GBF1: variants seen among roughly 807,000 people sequenced by gnomAD.
The protein encoded by GBF1 is golgi brefeldin A resistant guanine nucleotide exchange factor 1.
A neutral mutation model predicts 210.5 loss-of-function variants in GBF1; 114 were observed. The ratio of observed to expected loss-of-function variants is 0.54; its 90% CI spans 0.47 to 0.63. The LOEUF (loss-of-function observed/expected upper bound fraction) is 0.63. Among genes scored for constraint, GBF1 ranks in the 30% least tolerant of loss-of-function variants. The pLI is 0.00. For missense variants in GBF1, 1,851 were observed against 2,357.7 expected (o/e 0.79, Z 4.45); for synonymous variants, 850 against 889.2 (o/e 0.96, Z 0.78).
intron 3 of GBF1, among the ~76,000 whole-genome samples, chr10:102,283,775 T>A (rs2075714638): frequency 6.6e-6 from 1 of 152,204 alleles, no homozygotes; most frequent in Non-Finnish European, 1.5e-5. Context: ...GGATCTCTTA[T>A]TCAGAATGCA....
intron 3 of GBF1, among the ~76,000 whole-genome samples, chr10:102,339,954 T>TC (rs71016376): frequency 1.2e-4 from 2 of 17,358 alleles, no homozygotes; most frequent in Non-Finnish European, 2.2e-4. Context: ...ACCTGGTTAA[T>TC]TTTTTTTTTT....
chr10:102,236,624 G>C, the GBF1 span, among the ~76,000 whole-genome samples: 9 of 152,320 alleles, frequency 5.9e-5, no homozygotes, highest in South Asian at 1.7e-3. Context: ...CCAGGCCAGG[G>C]AGGCCACAGT....
At chr10:102,287,344 CTTTTTTTTTTTTTTTTTTTT>C (rs763880492) in intron 3 of GBF1, among the ~76,000 whole-genome samples, 1 of 69,524 alleles carries the variant, frequency 1.4e-5, no homozygotes, top group Non-Finnish European at 2.5e-5. Flanking sequence ...ATTTTATTTT[CTTTTTTTTTTTTTTTTTTTT>C]TTTTTTTGAG....
At position 102,364,217 on chromosome 10, in the gene GBF1, CTT is replaced by C. The variant is rs1031275118; in HGVS notation, c.2106+443_2106+444del. Among the ~76,000 whole-genome samples the C allele has an allele frequency of 7.0e-4, 47 of 66,932 alleles. No homozygotes were observed. In the East Asian group the frequency reaches 7.7e-3, roughly 11 times the overall value. 43.9% of individuals were successfully genotyped at this position (66,932 alleles called of 152,430 possible). The stretch of plus-strand genomic sequence containing the variant: ...AAATAACTGTTTGTACTTTGGATTT[CTT>C]TTTTTTTTTTTTTTTTTTTTTTTCA... On this transcript the variant is annotated intron_variant, in intron 17 of 39. Transcript: ENST00000369983.
Position 102,366,658 on chromosome 10 carries a change from C to A in GBF1, c.2433+152C>A. 1.4e-6 allele frequency: 1 copy of A among 690,076 alleles called. No individual in the cohort carries two copies. The highest frequency in any genetic ancestry group is 2.4e-6 in the Non-Finnish European group (1 of 424,804). The allele number at this position is 690,076 out of a possible 1,614,324, so 42.7% of individuals were successfully genotyped here. A position where few individuals can be genotyped will look rare whatever the true frequency, so the allele number is the denominator to read the frequency against. On this transcript the variant is annotated intron_variant, in intron 19 of 39. Coordinates refer to ENST00000369983, the MANE Select transcript of GBF1 (RefSeq NM_001377137.1). This position sits in a 1 kb window ranked among gnomAD's most constrained non-coding sequence, Gnocchi z 4.0. ...CTGGAGTGCAGTAGCGCAGTCTCAG[C>A]ACACTGCAACCTCCACCCCCCGGGT...
intron 3 of GBF1, among the ~76,000 whole-genome samples, chr10:102,328,226 C>A (rs1001500880): frequency 6.6e-6 from 1 of 152,350 alleles, no homozygotes; most frequent in Non-Finnish European, 1.5e-5. Context: ...GGCACAGTGG[C>A]TCATGCCTAT....
At chr10:102,353,887 G>A (rs1273962893) in intron 8 of GBF1, among the ~76,000 whole-genome samples, 1 of 152,194 alleles carries the variant, frequency 6.6e-6, no homozygotes, top group Non-Finnish European at 1.5e-5. Flanking sequence ...TGGTGAGCCA[G>A]TTCTTCATGG....
Position 102,375,591 on chromosome 10 carries a change from C to A in GBF1, c.3886+7C>A, listed in dbSNP as rs1196390460. 1.3e-6 allele frequency: 2 copies of A among 1,588,402 alleles called. No homozygotes were observed. The highest frequency in any genetic ancestry group is 2.2e-5 in the East Asian group (1 of 44,712). On this transcript the variant is annotated splice_region_variant and intron_variant, in intron 30 of 39. Coordinates refer to ENST00000369983, the MANE Select transcript of GBF1 (RefSeq NM_001377137.1). ...GCAGATGCACCTGATGCCGGTAAGC[C>A]CTTTCCCAGGGAGACTCAGGCTGGC...
chr10:102,234,046 C>A, the GBF1 span, among the ~76,000 whole-genome samples: 3 of 152,168 alleles, frequency 2.0e-5, no homozygotes, highest in African/African-American at 2.4e-5. Flanking sequence ...GTGGGAGGGG[C>A]CTCTCTGCCT....
At chr10:102,375,316 A>G (rs2060432573) in intron 29 of GBF1, 43 bp from the exon 30 acceptor site, 15 of 1,154,066 alleles carry the variant, frequency 1.3e-5, no homozygotes, top group Non-Finnish European at 1.8e-5. Context: ...GTGTGCCCAC[A>G]CAGCTCCCCG....
intron 3 of GBF1, among the ~76,000 whole-genome samples, chr10:102,333,440 T>G (rs930895253): frequency 1.3e-5 from 2 of 152,166 alleles, no homozygotes; most frequent in Non-Finnish European, 2.9e-5. Flanking sequence ...AAAGTTTAGC[T>G]TTGATTATTC....
In GBF1 at chr10:102,360,402, C is replaced by G. The variant is rs202060552; in HGVS notation, c.1392+7C>G. On this transcript the variant is annotated splice_region_variant and intron_variant, in intron 12 of 39. Transcript: ENST00000369983. ...GTGCCGTCACTTATTCCAGGTAAGACAAGATTGCTAGAGGGTCTCAGAGCC... is the reference window on the plus strand; with the variant it reads ...GTGCCGTCACTTATTCCAGGTAAGAGAAGATTGCTAGAGGGTCTCAGAGCC... The G allele has an allele frequency of 1.9e-6, 3 of 1,584,300 alleles. No homozygotes were observed. In the East Asian group the frequency reaches 6.7e-5, roughly 35 times the overall value.
chr10:102,358,829 G>T, intron 10 of GBF1, 100 bp downstream of exon 10: 1 of 742,624 alleles, frequency 1.3e-6, no homozygotes. Flanking sequence ...AAAGAAGCTT[G>T]GGGTAACTTC....
intron 4 of GBF1, among the ~76,000 whole-genome samples, chr10:102,345,237 G>T (rs1486691061): frequency 7.2e-6 from 1 of 139,002 alleles, no homozygotes; most frequent in Non-Finnish European, 1.6e-5. Context: ...AGCAGAGATC[G>T]CGCCACTGTA....
intron 10 of GBF1, 98 bp from the exon 11 acceptor site, chr10:102,359,169 C>T: frequency 1.2e-6 from 1 of 830,876 alleles, no homozygotes; most frequent in Non-Finnish European, 2.1e-6. Flanking sequence ...ATCTGTAGCC[C>T]ATTAGAGACA....
intron 3 of GBF1, among the ~76,000 whole-genome samples, chr10:102,327,413 G>C (rs757077872): frequency 6.6e-6 from 1 of 152,180 alleles, no homozygotes; most frequent in Non-Finnish European, 1.5e-5. Flanking sequence ...TAGGTATTTA[G>C]TCAAGAGAAA....
chr10:102,286,326 CT>C (rs1474478718), intron 3 of GBF1, among the ~76,000 whole-genome samples: 1 of 151,330 alleles, frequency 6.6e-6, no homozygotes, highest in East Asian at 1.9e-4. Context: ...ATCAGGATGA[CT>C]TTGATTTAGT....
At chr10:102,375,216 A>C (rs2060428350) in intron 29 of GBF1, 143 bp from the exon 30 acceptor site, 1 of 552,740 alleles carries the variant, frequency 1.8e-6, no homozygotes, top group Admixed American at 3.2e-5. Flanking sequence ...AAAAAAAAAA[A>C]GACCAGAGCA....
chr10:102,369,585 C>A (rs2060094641), intron 24 of GBF1, 126 bp from the exon 25 acceptor site: 1 of 941,814 alleles, frequency 1.1e-6, no homozygotes, highest in Non-Finnish European at 1.7e-6. Context: ...CATTGCCAGT[C>A]ACCAATTGGC....
Sources: gnomAD v4.1 joint callset for allele counts (sites outside exome capture counted in the v4.1 genomes callset) on GRCh38, gnomAD v4.1.1 for gene constraint, Gnocchi (gnomAD v3.1) non-coding constraint, MANE v1.5 for transcripts, NCBI Gene and HGNC (gene_info 2026-07-23, HGNC 2026-07-21) for gene names.